Variants in CSMD2 observed in about 807,000 individuals in gnomAD.
The protein encoded by CSMD2 is CUB and Sushi multiple domains 2.
In CSMD2, 130 loss-of-function variants were observed where a neutral mutation model predicts 398.5. That is an observed-to-expected ratio of 0.33 (90% confidence interval 0.28 to 0.38). The LOEUF (loss-of-function observed/expected upper bound fraction) is 0.38. CSMD2 is among the 10% of genes least tolerant of loss of function. The pLI, the probability that CSMD2 is intolerant of heterozygous loss-of-function variation, is 1.00. For missense variants in CSMD2, 3,829 were observed against 4,764.9 expected, an observed-to-expected ratio of 0.80 and a Z score of 5.78; for synonymous variants, 1,828 against 1,908.5, an observed-to-expected ratio of 0.96 and a Z score of 1.10.
intron 4 of CSMD2, among the ~76,000 whole-genome samples, chr1:33,929,433 T>A (rs1281996178): frequency 1.3e-5 from 1 of 77,096 alleles, no homozygotes; most frequent in Non-Finnish European, 2.7e-5. Context: ...AAGCCTATAC[T>A]TTTTTTTTTT....
intron 56 of CSMD2, 149 bp downstream of exon 56, chr1:33,550,028 C>T (rs1657284047): frequency 1.4e-6 from 1 of 739,624 alleles, no homozygotes; most frequent in East Asian, 2.7e-5. Context: ...CCTTGTCTTG[C>T]TGTGCTTTCT....
At chr1:33,889,315 G>T (rs1412474524) in intron 5 of CSMD2, among the ~76,000 whole-genome samples, 1 of 152,170 alleles carries the variant, frequency 6.6e-6, no homozygotes, top group South Asian at 2.1e-4. Flanking sequence ...ATGGACATAT[G>T]AAGAGATTAC....
chr1:33,750,468 T>C (rs1020547231), intron 13 of CSMD2, among the ~76,000 whole-genome samples: 1 of 152,142 alleles, frequency 6.6e-6, no homozygotes, highest in Non-Finnish European at 1.5e-5. Context: ...ATACAGTCAC[T>C]GTAGATGATA....
chr1:33,576,726 G>A (rs1198384412), intron 49 of CSMD2, among the ~76,000 whole-genome samples: 1 of 151,784 alleles, frequency 6.6e-6, no homozygotes, highest in Non-Finnish European at 1.5e-5. Flanking sequence ...AAGACCAAAG[G>A]AAATGTGCTG....
chr1:34,006,940 C>T (rs550029766), intron 3 of CSMD2, among the ~76,000 whole-genome samples: 3 of 152,138 alleles, frequency 2.0e-5, no homozygotes, highest in South Asian at 2.1e-4. Flanking sequence ...AACTGTGACA[C>T]GCTCCCATCT....
chr1:33,642,401 CA>C (rs1193429518), intron 29 of CSMD2, among the ~76,000 whole-genome samples: 5 of 140,214 alleles, frequency 3.6e-5, no homozygotes, highest in South Asian at 4.6e-4. Context: ...AACAAACAAA[CA>C]AAAAAAGTCA....
chr1:33,531,052 A>C (rs147123600), intron 64 of CSMD2, among the ~76,000 whole-genome samples: 31 of 152,334 alleles, frequency 2.0e-4, no homozygotes, highest in African/African-American at 6.3e-4. Flanking sequence ...TGGTGACCAT[A>C]GTTAATAACA....
At chr1:33,520,903 G>A (rs557838048) in intron 68 of CSMD2, among the ~76,000 whole-genome samples, 2 of 152,350 alleles carry the variant, frequency 1.3e-5, no homozygotes, top group African/African-American at 4.8e-5. Flanking sequence ...GGCACCCAGA[G>A]GCTCTGGGCC....
rs1656317239 is a variant in CSMD2, at chr1:33,541,328, A to G, written c.9278-19T>C. The G allele has an allele frequency of 1.9e-6, 3 of 1,607,346 alleles. No individual in the cohort carries two copies. In the Admixed American group the frequency reaches 5.0e-5, roughly 27 times the overall value. On this transcript the variant is annotated intron_variant, in intron 58 of 70. Transcript: ENST00000373381. Reference sequence around the variant, plus strand: ...TTTATGACTAGGATAAGAGAGATATAGCATTGTTCACTCCTGGCCAGGACC... The same window carrying G: ...TTTATGACTAGGATAAGAGAGATATGGCATTGTTCACTCCTGGCCAGGACC...
intron 12 of CSMD2, among the ~76,000 whole-genome samples, chr1:33,779,354 T>TA (rs1652404201): frequency 6.6e-6 from 1 of 152,202 alleles, no homozygotes; most frequent in African/African-American, 2.4e-5. Context: ...GAACAGACCT[T>TA]GGGCATGTGA....
intron 1 of CSMD2, among the ~76,000 whole-genome samples, chr1:34,107,380 A>C (rs1660626293): frequency 6.6e-6 from 1 of 152,200 alleles, no homozygotes; most frequent in Admixed American, 6.5e-5. Flanking sequence ...TATATTATTA[A>C]ACATTTTTTC....
chr1:34,020,970 T>C (rs958178847), intron 3 of CSMD2, among the ~76,000 whole-genome samples: 1 of 152,164 alleles, frequency 6.6e-6, no homozygotes, highest in Non-Finnish European at 1.5e-5. Context: ...AGGACAGGGA[T>C]GCCATCTGTC....
At chr1:34,144,080 C>G (rs192805923) in intron 1 of CSMD2, among the ~76,000 whole-genome samples, 44 of 152,182 alleles carry the variant, frequency 2.9e-4, no homozygotes, top group Non-Finnish European at 1.5e-4. Context: ...ATGTCTTAGT[C>G]AACATCTCCT....
In CSMD2 at chr1:33,809,872, A is replaced by C. The variant is rs1656658042; in HGVS notation, c.1446+871T>G. ...CATTTCTAAACACCAGCAAGAAACA[A>C]GTAGAATGTGCAATTTTAAAAGATT... On this transcript the variant is annotated intron_variant, in intron 10 of 70. Coordinates refer to ENST00000373381, the MANE Select transcript of CSMD2 (RefSeq NM_001281956.2). Among the ~76,000 whole-genome samples, 4 of 152,138 alleles carry C rather than the reference A, an allele frequency of 2.6e-5. No homozygotes were observed. The South Asian group carries it at 8.3e-4, about 31-fold the overall frequency.
chr1:34,065,367 C>T (rs1654996806), intron 2 of CSMD2, among the ~76,000 whole-genome samples: 1 of 152,236 alleles, frequency 6.6e-6, no homozygotes, highest in Non-Finnish European at 1.5e-5. Flanking sequence ...CTCCATCAGG[C>T]ATGGGCTGGG....
At chr1:34,027,530 G>C (rs1649807406) in intron 3 of CSMD2, among the ~76,000 whole-genome samples, 1 of 152,204 alleles carries the variant, frequency 6.6e-6, no homozygotes, top group Non-Finnish European at 1.5e-5. Context: ...TTTATTCTAA[G>C]AAGATAATTA....
intron 47 of CSMD2, among the ~76,000 whole-genome samples, chr1:33,583,354 A>AAT: frequency 6.6e-6 from 1 of 152,204 alleles, no homozygotes; most frequent in East Asian, 1.9e-4. Flanking sequence ...TTCACTTGGG[A>AAT]ATACTGTTTG....
Position 33,774,107 on chromosome 1 carries a change from T to TTGTGTG in CSMD2, c.1664-1362_1664-1357dup, listed in dbSNP as rs61454614. Reference sequence around the variant, plus strand: ...AGGACAAGGCATTCTATGGCTGGGATTGTGTGTGTGTGTGTGTGTGTGTGT... The same window carrying TTGTGTG: ...AGGACAAGGCATTCTATGGCTGGGATTGTGTGTGTGTGTGTGTGTGTGTGTGTGTGT... On this transcript the variant is annotated intron_variant, in intron 12 of 70. Coordinates refer to ENST00000373381, the MANE Select transcript of CSMD2 (RefSeq NM_001281956.2). Among the ~76,000 whole-genome samples, 778 of 141,698 alleles carry TTGTGTG rather than the reference T, an allele frequency of 5.5e-3. 4 individuals carry two copies. Among genetic ancestry groups the TTGTGTG allele is most frequent in the South Asian group, 0.014 (62 of 4,292 alleles). The allele number at this position is 141,698 out of a possible 152,430, so 93.0% of individuals were successfully genotyped here. A position where few individuals can be genotyped will look rare whatever the true frequency, so the allele number is the denominator to read the frequency against.
intron 2 of CSMD2, among the ~76,000 whole-genome samples, chr1:34,035,901 G>A (rs1350159641): frequency 6.6e-6 from 1 of 152,156 alleles, no homozygotes; most frequent in Non-Finnish European, 1.5e-5. Flanking sequence ...TGGCAAATAA[G>A]CACATGAAAA....
Sources: allele counts gnomAD v4.1 joint callset (sites outside exome capture counted in the v4.1 genomes callset), GRCh38; gene constraint gnomAD v4.1.1; transcripts MANE v1.5; gene names NCBI Gene and HGNC (gene_info 2026-07-23, HGNC 2026-07-21).